TRIM5: variants seen among roughly 807,000 people sequenced by gnomAD.
The protein encoded by TRIM5 is tripartite motif containing 5, also known as tripartite motif-containing protein 5.
TRIM5 carries 31 observed loss-of-function variants against 35.6 expected under a neutral mutation model. The ratio of observed to expected loss-of-function variants is 0.87; its 90% confidence interval spans 0.65 to 1.18. The LOEUF (loss-of-function observed/expected upper bound fraction) is 1.18. Ranked by LOEUF, TRIM5 falls within the 50% of genes most tolerant of loss-of-function variation. The pLI, the probability that TRIM5 is intolerant of heterozygous loss-of-function variation, is 0.00. For missense variants in TRIM5, 609 were observed against 591.6 expected (o/e 1.03, Z -0.31); for synonymous variants, 243 against 215.6 (o/e 1.13, Z -1.11).
chr11:5,655,670 T>A, the TRIM5 span: 2 of 985,316 alleles, frequency 2.0e-6, no homozygotes, highest in Non-Finnish European at 2.4e-6. Flanking sequence ...GGAGGCTTCA[T>A]CGGTTTTTAG....
the TRIM5 span, among the ~76,000 whole-genome samples, chr11:5,627,302 C>T: frequency 6.6e-6 from 1 of 152,020 alleles, no homozygotes; most frequent in South Asian, 2.1e-4. Flanking sequence ...AGCGCTTGAA[C>T]CCAGCAAGCA....
chr11:5,634,543 A>G, the TRIM5 span: 2 of 909,594 alleles, frequency 2.2e-6, no homozygotes. Flanking sequence ...ATATATATAT[A>G]TATATTTCCC....
chr11:5,641,874 G>A, the TRIM5 span, among the ~76,000 whole-genome samples: 1 of 152,020 alleles, frequency 6.6e-6, no homozygotes, highest in Non-Finnish European at 1.5e-5. Flanking sequence ...CCGAGTGTTC[G>A]TGTTTCCCAG....
intron 4 of TRIM5, among the ~76,000 whole-genome samples, chr11:5,676,387 T>C (rs1235798595): frequency 3.3e-5 from 5 of 151,612 alleles, no homozygotes; most frequent in Non-Finnish European, 5.9e-5. Context: ...TACCTAGGAA[T>C]CCAACTTACA....
At chr11:5,665,620 C>T (rs781605488) in intron 7 of TRIM5, 36 bp downstream of exon 7, 75 of 1,576,776 alleles carry the variant, frequency 4.8e-5, no homozygotes, top group African/African-American at 1.1e-4. Flanking sequence ...AATGATAAGC[C>T]GCAGGGTGGC....
At chr11:5,658,208 C>A (rs1850696140), downstream of TRIM5, among the ~76,000 whole-genome samples, 2 of 152,202 alleles carry the variant, frequency 1.3e-5, no homozygotes, top group Non-Finnish European at 1.5e-5. Flanking sequence ...TAGAAGAACA[C>A]ACCAACAGGC....
At chr11:5,670,777 T>C (rs1014551715) in intron 4 of TRIM5, among the ~76,000 whole-genome samples, 2 of 146,432 alleles carry the variant, frequency 1.4e-5, no homozygotes, top group African/African-American at 5.3e-5. Flanking sequence ...CAAAGATACA[T>C]GGACACACAG....
rs766238705 is a variant in TRIM5 at position 5,681,007 on chromosome 11, AG to A, written c.-61-770del. Among the ~76,000 whole-genome samples, 63 of 152,326 alleles carry A rather than the reference AG, an allele frequency of 4.1e-4. No individual in the cohort carries two copies. The Middle Eastern group carries it at 0.017, about 41-fold the overall frequency. ...CAGAGCAATTGGGGTGTGGAAGTAG[AG>A]GAATCCACAACAGCTGGGAGGTTCT... On this transcript the variant is annotated intron_variant, in intron 1 of 7. Transcript: ENST00000380034.
At chr11:5,623,139 G>A in the TRIM5 span, among the ~76,000 whole-genome samples, 3 of 110,084 alleles carry the variant, frequency 2.7e-5, no homozygotes, top group Non-Finnish European at 5.6e-5. Flanking sequence ...CTTAGTAGCT[G>A]TCTTTTTTTG....
At position 5,680,640 on chromosome 11, in the gene TRIM5, C is replaced by A. The variant is rs112680422; in HGVS notation, c.-61-402G>T. ...CCTCAGGGCTTTCACATTTGCTCTT[C>A]TCTCAGCATGAAATGTTTCTCTGAT... On this transcript the variant is annotated intron_variant, in intron 1 of 7. Coordinates refer to ENST00000380034, the MANE Select transcript of TRIM5 (RefSeq NM_033034.3). 6.3e-3 allele frequency among the ~76,000 whole-genome samples: 954 copies of A among 152,314 alleles called. 8 individuals are homozygous for A. The highest frequency in any genetic ancestry group is 0.022 in the African/African-American group (916 of 41,562).
chr11:5,605,440 A>T, the TRIM5 span: 4 of 1,614,204 alleles, frequency 2.5e-6, no homozygotes, highest in Non-Finnish European at 3.4e-6. Context: ...CTGGAACAGG[A>T]AGAGAAGAAG....
At chr11:5,601,178 GA>G in the TRIM5 span, among the ~76,000 whole-genome samples, 1 of 152,056 alleles carries the variant, frequency 6.6e-6, no homozygotes, top group Non-Finnish European at 1.5e-5. Context: ...TCCATACTTC[GA>G]AAGCACTTGG....
chr11:5,635,540 C>A, the TRIM5 span, among the ~76,000 whole-genome samples: 1 of 152,040 alleles, frequency 6.6e-6, no homozygotes, highest in Non-Finnish European at 1.5e-5. Context: ...ACAGGCCTGA[C>A]CCACCGCACC....
the TRIM5 span, among the ~76,000 whole-genome samples, chr11:5,657,714 A>G: frequency 1.5e-5 from 2 of 131,176 alleles, no homozygotes; most frequent in African/African-American, 6.0e-5. Context: ...ATAAATATAT[A>G]TATATATTAT....
chr11:5,608,942 G>A, the TRIM5 span, among the ~76,000 whole-genome samples: 1 of 138,454 alleles, frequency 7.2e-6, no homozygotes, highest in Admixed American at 8.1e-5. Flanking sequence ...CTTCCTGCCC[G>A]TGAATTTTAT....
At chr11:5,655,193 A>G in the TRIM5 span, among the ~76,000 whole-genome samples, 1 of 136,518 alleles carries the variant, frequency 7.3e-6, no homozygotes. Context: ...AACTCCGTCT[A>G]AAAAAAAAAA....
chr11:5,614,981 T>C, the TRIM5 span, among the ~76,000 whole-genome samples: 2 of 152,200 alleles, frequency 1.3e-5, no homozygotes, highest in South Asian at 2.1e-4. Context: ...AATTTTGATA[T>C]ATTCTCCATT....
chr11:5,615,350 A>G, the TRIM5 span, among the ~76,000 whole-genome samples: 1 of 152,090 alleles, frequency 6.6e-6, no homozygotes, highest in African/African-American at 2.4e-5. Context: ...GAAATATACA[A>G]CTATATTTGT....
the TRIM5 span, among the ~76,000 whole-genome samples, chr11:5,615,583 TTTTTG>T: frequency 8.8e-6 from 1 of 113,586 alleles, no homozygotes; most frequent in Non-Finnish European, 1.9e-5. Flanking sequence ...TTTTGTTTTT[TTTTTG>T]TTGTTGTTGT....
Sources: gnomAD v4.1 joint callset for allele counts (sites outside exome capture counted in the v4.1 genomes callset) on GRCh38, gnomAD v4.1.1 for gene constraint, MANE v1.5 for transcripts, NCBI Gene and HGNC (gene_info 2026-07-23, HGNC 2026-07-21) for gene names.